RASA3: variants seen among roughly 807,000 people sequenced by gnomAD.
RASA3 encodes RAS p21 protein activator 3.
A neutral mutation model predicts 110.0 loss-of-function variants in RASA3; 73 were observed. The ratio of observed to expected loss-of-function variants is 0.66; its 90% CI spans 0.55 to 0.81. The LOEUF is 0.81. Among genes scored for constraint, RASA3 ranks in the 30% least tolerant of loss-of-function variants. The probability of loss-of-function intolerance (pLI) is 0.00; values close to 1 mark genes in which losing one functional copy is unlikely to be tolerated. For synonymous variants in RASA3, 500 were observed against 451.4 expected, an observed-to-expected ratio of 1.11 and a Z score of -1.37; for missense variants, 976 against 1,113.2, an observed-to-expected ratio of 0.88 and a Z score of 1.75.
chr13:114,022,643 G>A (rs953030536), intron 8 of RASA3, among the ~76,000 whole-genome samples: 3 of 152,218 alleles, frequency 2.0e-5, no homozygotes, highest in African/African-American at 7.2e-5. Flanking sequence ...AACCCACAGC[G>A]CGTTCCTTTC....
At chr13:114,067,234 T>C (rs2079472436) in intron 2 of RASA3, among the ~76,000 whole-genome samples, 1 of 140,242 alleles carries the variant, frequency 7.1e-6, no homozygotes, top group Non-Finnish European at 1.5e-5. Flanking sequence ...GGGCTGAGGA[T>C]GGGCCCCCAC....
chr13:113,993,633 C>T (rs1428367269), intron 21 of RASA3, among the ~76,000 whole-genome samples: 1 of 150,982 alleles, frequency 6.6e-6, no homozygotes, highest in Non-Finnish European at 1.5e-5. Context: ...CATGGTGAGA[C>T]CCTGTCTCTA....
At chr13:114,100,824 C>T (rs999154877) in intron 1 of RASA3, among the ~76,000 whole-genome samples, 16 of 152,232 alleles carry the variant, frequency 1.1e-4, no homozygotes, top group Admixed American at 1.3e-4. Flanking sequence ...GGGCCCCATG[C>T]GTCTGTGTTC....
rs1205563808 is a variant in RASA3 at position 114,009,436 on chromosome 13, G to A, written c.1619C>T (p.Thr540Ile). 1.1e-5 allele frequency: 17 copies of A among 1,612,126 alleles called. No individual in the cohort carries two copies. In the Admixed American group the frequency reaches 2.7e-4, roughly 25 times the overall value. Residue 540 changes from threonine (T) to isoleucine (I), a missense_variant, in exon 17 of 24, where the codon ACA becomes ATA. Thr to Ile is a moderately conservative substitution (Grantham distance 89). Around this residue, in one of 4 missense-constraint regions of RASA3, gnomAD observed 732 missense variants for 779.7 expected, o/e 0.94. Coordinates refer to ENST00000334062, the MANE Select transcript of RASA3 (RefSeq NM_007368.4). ...SASFKESYMA[T>I]FYEFFNEQKY... ...CTGCTCATTGAAGAATTCATAAAAT[G>A]TAGCCATGTAGGACTCCTTAAAACT...
chr13:114,048,615 G>A lies in RASA3; in HGVS notation c.277+3437C>T, dbSNP rs1305882069. Among the ~76,000 whole-genome samples the A allele has an allele frequency of 6.6e-6, 1 of 152,178 alleles. No individual in the cohort carries two copies. The highest frequency in any genetic ancestry group is 1.5e-5 in the Non-Finnish European group (1 of 68,008). On this transcript the variant is annotated intron_variant, in intron 3 of 23. Transcript: ENST00000334062. This position sits in a 1 kb window ranked among gnomAD's most constrained non-coding sequence, Gnocchi z 4.3. ...TCTGTGCTCTGTGAGGGCAGCGCCC[G>A]GCAGCCGAGTCCAGGCAGAGGCCGC...
chr13:114,105,112 G>A lies in RASA3; in HGVS notation c.55+27323C>T, dbSNP rs369709492. 4.6e-5 allele frequency among the ~76,000 whole-genome samples: 7 copies of A among 152,158 alleles called. No homozygotes were observed. In the South Asian group the frequency reaches 8.3e-4, roughly 18 times the overall value. ...CAGAATCCCTGGAGATGGAGAGCAC[G>A]CCTGGCCCCCAGTCAGGGCAGGTAG... On this transcript the variant is annotated intron_variant, in intron 1 of 23. Transcript: ENST00000334062.
In RASA3 at chr13:114,016,197, C is replaced by A; in HGVS notation, c.1281G>T (p.Met427Ile). 1 of 1,581,452 alleles carries A rather than the reference C, an allele frequency of 6.3e-7. No individual in the cohort carries two copies. The highest frequency in any genetic ancestry group is 1.1e-5 in the South Asian group (1 of 90,368). The change falls in exon 13 of 24, where the codon ATG (methionine) becomes ATT (isoleucine). Residue 427 changes from methionine (M) to isoleucine (I), a missense_variant and splice_region_variant. By Grantham distance (10) the Met-to-Ile change is conservative (BLOSUM62 1). Coordinates refer to ENST00000334062, the MANE Select transcript of RASA3 (RefSeq NM_007368.4). ...LKDGENLENN[M>I]ENLRQYVDRV... ...TGGTTGGTTCATGAACAAAACCTAC[C>A]ATGTTGTTTTCAAGGTTTTCTCCGT...
At chr13:114,052,197 G>C in intron 2 of RASA3, 42 bp from the exon 3 acceptor site, 1 of 1,385,262 alleles carries the variant, frequency 7.2e-7, no homozygotes, top group Non-Finnish European at 1.0e-6. Flanking sequence ...CACAGGCCAC[G>C]CTTGCGCCTC....
chr13:114,040,881 T>G, intron 4 of RASA3, 119 bp downstream of exon 4: 1 of 919,504 alleles, frequency 1.1e-6, no homozygotes, highest in Non-Finnish European at 1.7e-6. Context: ...TGCTCATCGT[T>G]ATTCCCAGTC....
intron 10 of RASA3, among the ~76,000 whole-genome samples, chr13:114,018,467 C>G (rs989397985): frequency 6.6e-6 from 1 of 152,214 alleles, no homozygotes; most frequent in African/African-American, 2.4e-5. Context: ...GCGACCCCCC[C>G]ATGCAGCCAG....
intron 21 of RASA3, among the ~76,000 whole-genome samples, chr13:113,995,740 A>AT (rs1317879279): frequency 1.6e-4 from 5 of 30,952 alleles, no homozygotes; most frequent in African/African-American, 2.6e-4. Context: ...GGCCCGGCTG[A>AT]CGGGGGCCCG....
At chr13:114,039,476 G>T (rs6560954) in intron 4 of RASA3, among the ~76,000 whole-genome samples, 5 of 151,880 alleles carry the variant, frequency 3.3e-5, no homozygotes, top group African/African-American at 1.2e-4. Context: ...GAAGCCGTCC[G>T]GTGTCCCAGG....
intron 1 of RASA3, among the ~76,000 whole-genome samples, chr13:114,109,763 G>A (rs9525180): frequency 0.55 from 83,820 of 151,966 alleles, 23,456 homozygotes; most frequent in East Asian, 0.76. Context: ...TCCTGCTGTG[G>A]CTTCCAAAGA....
chr13:113,989,184 C>A (rs1456152924), intron 22 of RASA3, among the ~76,000 whole-genome samples: 1 of 140,876 alleles, frequency 7.1e-6, no homozygotes, highest in Non-Finnish European at 1.5e-5. Context: ...TCACCCTGTC[C>A]TCCACCCATC....
intron 17 of RASA3, 21 bp from the exon 18 acceptor site, chr13:114,007,627 G>A (rs1190873588): frequency 1.3e-6 from 2 of 1,590,038 alleles, no homozygotes; most frequent in Non-Finnish European, 1.7e-6. Flanking sequence ...AAGAAATCAG[G>A]TCACCGGGAG....
intron 5 of RASA3, 72 bp from the exon 6 acceptor site, chr13:114,027,999 T>C (rs9590417): frequency 0.042 from 56,655 of 1,348,676 alleles, 3,151 homozygotes; most frequent in African/African-American, 0.2. Flanking sequence ...CAGCTCTGGG[T>C]CAGGCAGGAG....
intron 1 of RASA3, among the ~76,000 whole-genome samples, chr13:114,088,248 T>A (rs1435013331): frequency 2.0e-5 from 3 of 152,238 alleles, no homozygotes; most frequent in Admixed American, 2.0e-4. Context: ...TGTCAATGAT[T>A]AACGTGCCTT....
At chr13:113,981,957 C>G in intron 22 of RASA3, 99 bp from the exon 23 acceptor site, 1 of 1,068,856 alleles carries the variant, frequency 9.4e-7, no homozygotes, top group Non-Finnish European at 1.3e-6. Context: ...CAGTACACAT[C>G]CTTCCAACGC....
At chr13:114,033,729 G>A (rs891294477) in intron 4 of RASA3, among the ~76,000 whole-genome samples, 1 of 152,208 alleles carries the variant, frequency 6.6e-6, no homozygotes, top group African/African-American at 2.4e-5. Flanking sequence ...ATGGAACTGG[G>A]TCTGTGCTGC....
Sources: gnomAD v4.1 joint callset for allele counts (sites outside exome capture counted in the v4.1 genomes callset) on GRCh38, gnomAD v4.1.1 for gene constraint, gnomAD v4.1.1 regional missense constraint, Gnocchi (gnomAD v3.1) non-coding constraint, MANE v1.5 for transcripts, NCBI Gene and HGNC (gene_info 2026-07-23, HGNC 2026-07-21) for gene names.